CFAP210: variants seen among roughly 807,000 people sequenced by gnomAD.
CFAP210 encodes cilia- and flagella- associated protein 210.
chr2:169,680,976 G>T, the CFAP210 span: 2 of 1,555,310 alleles, frequency 1.3e-6, no homozygotes, highest in Non-Finnish European at 1.8e-6. Context: ...AGTCTTCAGT[G>T]CATGTGTACT....
the CFAP210 span, among the ~76,000 whole-genome samples, chr2:169,667,135 C>CTTTTTTTTTT: frequency 8.3e-6 from 1 of 120,284 alleles, no homozygotes; most frequent in Non-Finnish European, 1.8e-5. Context: ...CACAAATTTT[C>CTTTTTTTTTT]TTTTTTCTTT....
the CFAP210 span, among the ~76,000 whole-genome samples, chr2:169,680,596 A>AT: frequency 1.3e-5 from 2 of 152,246 alleles, no homozygotes; most frequent in Non-Finnish European, 2.9e-5. Context: ...AGCAATAAAA[A>AT]TTAACAATTG....
At chr2:169,649,066 AC>A in the CFAP210 span, 1 of 815,346 alleles carries the variant, frequency 1.2e-6, no homozygotes, top group Non-Finnish European at 1.9e-6. Flanking sequence ...TTGTGTCATA[AC>A]CATAATGACC....
chr2:169,681,854 C>A, the CFAP210 span, among the ~76,000 whole-genome samples: 1 of 152,190 alleles, frequency 6.6e-6, no homozygotes, highest in Admixed American at 6.5e-5. Flanking sequence ...CCAAAAGACT[C>A]TCAAGCTAAG....
chr2:169,648,805 A>G, the CFAP210 span, among the ~76,000 whole-genome samples: 1 of 152,088 alleles, frequency 6.6e-6, no homozygotes. Flanking sequence ...TCCTCTACAC[A>G]TCTTTTAAAA....
the CFAP210 span, chr2:169,662,163 G>T: frequency 2.0e-6 from 2 of 1,011,202 alleles, no homozygotes; most frequent in Non-Finnish European, 3.0e-6. Context: ...CATAATGTAT[G>T]CATGGGTCAA....
chr2:169,654,088 CCT>C, the CFAP210 span: 2 of 1,609,626 alleles, frequency 1.2e-6, no homozygotes, highest in East Asian at 2.2e-5. Flanking sequence ...TGTGTTTCAG[CCT>C]CTTTTTCTTT....
At chr2:169,646,857 G>A in the CFAP210 span, among the ~76,000 whole-genome samples, 1 of 151,720 alleles carries the variant, frequency 6.6e-6, no homozygotes, top group African/African-American at 2.4e-5. Flanking sequence ...GCTCTGGTTG[G>A]CAACTTCTCA....
the CFAP210 span, chr2:169,675,030 TC>T: frequency 6.6e-7 from 1 of 1,508,884 alleles, no homozygotes; most frequent in Non-Finnish European, 8.8e-7. Flanking sequence ...AAGTTTCTGT[TC>T]TTTCATCCCC....
chr2:169,663,901 G>C, the CFAP210 span, among the ~76,000 whole-genome samples: 26 of 151,730 alleles, frequency 1.7e-4, no homozygotes, highest in African/African-American at 6.0e-4. Context: ...AAGATTTGAA[G>C]AACATGTCTG....
At chr2:169,659,459 T>C in the CFAP210 span, among the ~76,000 whole-genome samples, 2 of 152,170 alleles carry the variant, frequency 1.3e-5, no homozygotes, top group Admixed American at 6.5e-5. Context: ...CTTCAAATGA[T>C]GGTAAGACAG....
At chr2:169,678,216 T>C in the CFAP210 span, among the ~76,000 whole-genome samples, 1 of 151,556 alleles carries the variant, frequency 6.6e-6, no homozygotes, top group South Asian at 2.1e-4. Context: ...GGCGCATGCC[T>C]GTAATCTCAG....
the CFAP210 span, chr2:169,650,347 T>C: frequency 6.3e-7 from 1 of 1,593,868 alleles, no homozygotes; most frequent in African/African-American, 1.4e-5. Context: ...CTCGATATTC[T>C]GCAATTGTTT....
the CFAP210 span, among the ~76,000 whole-genome samples, chr2:169,652,050 C>T: frequency 6.6e-6 from 1 of 152,048 alleles, no homozygotes; most frequent in Non-Finnish European, 1.5e-5. Flanking sequence ...GTGCCTGGTA[C>T]ATCATAAGAA....
chr2:169,665,928 A>G, the CFAP210 span, among the ~76,000 whole-genome samples: 4 of 151,928 alleles, frequency 2.6e-5, no homozygotes, highest in African/African-American at 7.3e-5. Context: ...GGGACTCACT[A>G]TGTTACCCAG....
At chr2:169,670,922 C>A in the CFAP210 span, among the ~76,000 whole-genome samples, 232 of 152,206 alleles carry the variant, frequency 1.5e-3, 2 homozygotes, top group East Asian at 0.033. Flanking sequence ...TATCAAAGAA[C>A]GTATGGAAAT....
the CFAP210 span, among the ~76,000 whole-genome samples, chr2:169,680,207 A>C: frequency 6.6e-6 from 1 of 152,224 alleles, no homozygotes; most frequent in South Asian, 2.1e-4. Flanking sequence ...CTATAATGAG[A>C]TATTGCACAC....
the CFAP210 span, chr2:169,654,069 GCCTA>G: frequency 3.1e-6 from 5 of 1,606,352 alleles, no homozygotes; most frequent in Non-Finnish European, 4.2e-6. Context: ...CATTATTAAA[GCCTA>G]CCTGTGTGTT....
chr2:169,653,224 C>T, the CFAP210 span, among the ~76,000 whole-genome samples: 1 of 150,900 alleles, frequency 6.6e-6, no homozygotes, highest in South Asian at 2.1e-4. Flanking sequence ...TATTTAAGTA[C>T]AGATCTGAAA....
Sources: allele counts gnomAD v4.1 joint callset (sites outside exome capture counted in the v4.1 genomes callset), GRCh38; gene constraint gnomAD v4.1.1; transcripts MANE v1.5; gene names NCBI Gene and HGNC (gene_info 2026-07-23, HGNC 2026-07-21).